The following CLDN1 variants were observed in gnomAD, a reference collection of about 807,000 sequenced individuals.
CLDN1 encodes claudin 1, also known as claudin-1.
CLDN1 carries 12 observed loss-of-function variants against 22.6 expected under a neutral mutation model. The ratio of observed to expected loss-of-function variants is 0.53; its 90% CI spans 0.34 to 0.86. CLDN1 has a LOEUF of 0.86. Among genes scored for constraint, CLDN1 ranks in the 40% least tolerant of loss-of-function variants. The pLI, the probability that CLDN1 is intolerant of heterozygous loss-of-function variation, is 0.02. For synonymous variants in CLDN1, 99 were observed against 103.8 expected, an observed-to-expected ratio of 0.95 and a Z score of 0.28; for missense variants, 250 against 269.5, an observed-to-expected ratio of 0.93 and a Z score of 0.51.
intron 2 of CLDN1, 71 bp downstream of exon 2, chr3:190,312,801 C>A (rs761773517): frequency 9.1e-6 from 14 of 1,541,836 alleles, no homozygotes; most frequent in Non-Finnish European, 1.2e-5. Context: ...TATAATGAAT[C>A]CAACGTAATA....
At position 190,310,201 on chromosome 3, in the gene CLDN1, T is replaced by A; in HGVS notation, c.441A>T (p.Glu147Asp). The A allele has an allele frequency of 6.2e-7, 1 of 1,613,928 alleles. No individual in the cohort carries two copies. The highest frequency in any genetic ancestry group is 8.5e-7 in the Non-Finnish European group (1 of 1,179,862). The change falls in exon 3 of 4, where the codon GAA becomes GAT. Residue 147 changes from glutamate (E) to aspartate (D), a missense_variant. Coordinates refer to ENST00000295522, the MANE Select transcript of CLDN1 (RefSeq NM_021101.5). ...TGACTGGGGTCATAGGGTCATAGAA[T>A]TCTTGAACGATTCTATTGCCATACC... ...TAWYGNRIVQ[E>D]FYDPMTPVNA... is the part of the protein sequence containing the mutation.
chr3:190,312,766 G>C (rs1716656859), intron 2 of CLDN1, 106 bp downstream of exon 2: 2 of 1,279,256 alleles, frequency 1.6e-6, no homozygotes, highest in Admixed American at 1.7e-5. Context: ...TATGTTTGCA[G>C]TTTGCCTTAG....
chr3:190,315,149 A>T (rs1716731798), intron 1 of CLDN1, among the ~76,000 whole-genome samples: 1 of 152,238 alleles, frequency 6.6e-6, no homozygotes, highest in Non-Finnish European at 1.5e-5. Context: ...CATAACACAG[A>T]TTTCAGATGT....
intron 1 of CLDN1, among the ~76,000 whole-genome samples, chr3:190,314,657 G>A (rs894214502): frequency 1.3e-5 from 2 of 151,892 alleles, no homozygotes; most frequent in Non-Finnish European, 2.9e-5. Flanking sequence ...GCCCACCTCG[G>A]CCTCCCAAAG....
chr3:190,311,244 A>G (rs1716609188), intron 2 of CLDN1, among the ~76,000 whole-genome samples: 1 of 152,246 alleles, frequency 6.6e-6, no homozygotes, highest in South Asian at 2.1e-4. Flanking sequence ...CGAAGGAAGA[A>G]TGCAATGCAT....
intron 1 of CLDN1, among the ~76,000 whole-genome samples, chr3:190,318,438 G>A (rs1167875811): frequency 6.6e-6 from 1 of 152,126 alleles, no homozygotes; most frequent in African/African-American, 2.4e-5. Context: ...CATCTTAGCT[G>A]CACCATCCTT....
rs1716493891 is a variant in CLDN1 at position 190,307,719 on chromosome 3, G to A, written c.*558C>T. ...ATAAGTATATGAAAAGGGCACGCAT[G>A]AAGAATTGAAAGAATTCATCCTTGG... On this transcript the variant is annotated 3_prime_UTR_variant, in exon 4 of 4. Transcript: ENST00000295522. 1 of 152,826 alleles carries A rather than the reference G, an allele frequency of 6.5e-6. No individual in the cohort carries two copies. The highest frequency in any genetic ancestry group is 1.5e-5 in the Non-Finnish European group (1 of 68,530). The allele number at this position is 152,826 out of a possible 1,614,324, so 9.5% of individuals were successfully genotyped here. A position where few individuals can be genotyped will look rare whatever the true frequency, so the allele number is the denominator to read the frequency against.
intron 2 of CLDN1, among the ~76,000 whole-genome samples, chr3:190,310,638 G>A (rs977172760): frequency 6.6e-6 from 1 of 152,160 alleles, no homozygotes; most frequent in Admixed American, 6.5e-5. Context: ...TGCAAAAGGG[G>A]AAGATGAAAA....
chr3:190,312,675 G>A (rs1716654239), intron 2 of CLDN1, among the ~76,000 whole-genome samples, 197 bp downstream of exon 2: 1 of 152,176 alleles, frequency 6.6e-6, no homozygotes, highest in Admixed American at 6.5e-5. Flanking sequence ...TCAACCAATA[G>A]ACCTGTCAGA....
At chr3:190,312,742 C>A in intron 2 of CLDN1, 130 bp downstream of exon 2, 1 of 978,868 alleles carries the variant, frequency 1.0e-6, no homozygotes, top group Non-Finnish European at 1.6e-6. Flanking sequence ...TGAAAGTCAA[C>A]TGGACTTCAG....
chr3:190,313,620 T>C (rs1001809356), intron 1 of CLDN1, among the ~76,000 whole-genome samples: 2 of 152,310 alleles, frequency 1.3e-5, no homozygotes, highest in South Asian at 4.1e-4. Context: ...GGGAAGAATA[T>C]AGAAGTCATT....
Position 190,322,268 on chromosome 3 carries a change from G to A in CLDN1, c.-62C>T. 1.3e-6 allele frequency: 2 copies of A among 1,487,278 alleles called. No homozygotes were observed. The highest frequency in any genetic ancestry group is 1.9e-6 in the Non-Finnish European group (2 of 1,074,406). 92.1% of individuals were successfully genotyped at this position (1,487,278 alleles called of 1,614,324 possible). A position where few individuals can be genotyped will look rare whatever the true frequency, so the allele number is the denominator to read the frequency against. On this transcript the variant is annotated 5_prime_UTR_variant, in exon 1 of 4. Coordinates refer to ENST00000295522, the MANE Select transcript of CLDN1 (RefSeq NM_021101.5). Reference sequence around the variant, plus strand: ...AGGTGCAGAAGGCGGAGAGTTTGCAGGTGGGCAACCCGGACTCCCGAAGGT... The same window carrying A: ...AGGTGCAGAAGGCGGAGAGTTTGCAAGTGGGCAACCCGGACTCCCGAAGGT...
intron 3 of CLDN1, among the ~76,000 whole-genome samples, chr3:190,309,391 G>C (rs1429437025): frequency 1.3e-5 from 2 of 152,098 alleles, no homozygotes; most frequent in African/African-American, 4.8e-5. Context: ...CCCATATGTG[G>C]GTGATTATAT....
At chr3:190,317,759 G>A (rs1186977260) in intron 1 of CLDN1, among the ~76,000 whole-genome samples, 2 of 152,166 alleles carry the variant, frequency 1.3e-5, no homozygotes, top group Admixed American at 6.5e-5. Flanking sequence ...TATACAGAAA[G>A]TCAACCCTCC....
chr3:190,313,175 G>A (rs1301622896), intron 1 of CLDN1, 139 bp from the exon 2 acceptor site: 5 of 883,436 alleles, frequency 5.7e-6, no homozygotes, highest in South Asian at 1.5e-5. Context: ...TCATACTGAT[G>A]TTTCCGCTGG....
rs1420341393 is a variant in CLDN1, at chr3:190,307,181, GC to G, written c.*1095del. 3 of 152,626 alleles carry G rather than the reference GC, an allele frequency of 2.0e-5. No homozygotes were observed. The highest frequency in any genetic ancestry group is 7.2e-5 in the African/African-American group (3 of 41,456). 9.5% of individuals were successfully genotyped at this position (152,626 alleles called of 1,614,324 possible). On this transcript the variant is annotated 3_prime_UTR_variant, in exon 4 of 4. Coordinates refer to ENST00000295522, the MANE Select transcript of CLDN1 (RefSeq NM_021101.5). ...AGAAAGATTAAGTGACTTGCTTACA[GC>G]TACAGAGAGAATATTTGTCACCAGA...
Position 190,306,315 on chromosome 3 carries a change from G to A in CLDN1, c.*1962C>T, listed in dbSNP as rs113521179. The A allele has an allele frequency of 5.3e-5, 8 of 152,296 alleles. No individual in the cohort carries two copies. The highest frequency in any genetic ancestry group is 1.9e-4 in the African/African-American group (8 of 41,582). 9.4% of individuals were successfully genotyped at this position (152,296 alleles called of 1,614,324 possible). Reference sequence around the variant, plus strand: ...ATAAGACTTCCTCAGAATCTTATTTGTTTAGTGCACTCAATTTTACTTCAC... The same window carrying A: ...ATAAGACTTCCTCAGAATCTTATTTATTTAGTGCACTCAATTTTACTTCAC... On this transcript the variant is annotated 3_prime_UTR_variant, in exon 4 of 4. Coordinates refer to ENST00000295522, the MANE Select transcript of CLDN1 (RefSeq NM_021101.5).
In CLDN1 at chr3:190,312,853, G is replaced by A. The variant is rs1489982436; in HGVS notation, c.388+19C>T. 4 of 1,613,540 alleles carry A rather than the reference G, an allele frequency of 2.5e-6. No individual in the cohort carries two copies. In the South Asian group the frequency reaches 4.4e-5, roughly 18 times the overall value. On this transcript the variant is annotated intron_variant, in intron 2 of 3. Coordinates refer to ENST00000295522, the MANE Select transcript of CLDN1 (RefSeq NM_021101.5). ...AGGAACAGGTTAGTAAGGTGAAAGGGGGGCACAGCCTCTATTACCTGCAAG... is the reference window on the plus strand; with the variant it reads ...AGGAACAGGTTAGTAAGGTGAAAGGAGGGCACAGCCTCTATTACCTGCAAG...
rs201935891 is a variant in CLDN1, at chr3:190,312,865, C to T, written c.388+7G>A. The T allele has an allele frequency of 6.2e-7, 1 of 1,613,956 alleles. No homozygotes were observed. The highest frequency in any genetic ancestry group is 2.2e-5 in the East Asian group (1 of 44,878). On this transcript the variant is annotated splice_region_variant and intron_variant, in intron 2 of 3. Transcript: ENST00000295522. Reference sequence around the variant, plus strand: ...GTAAGGTGAAAGGGGGGCACAGCCTCTATTACCTGCAAGAAGAAATATCGC... The same window carrying T: ...GTAAGGTGAAAGGGGGGCACAGCCTTTATTACCTGCAAGAAGAAATATCGC...
Sources: allele counts gnomAD v4.1 joint callset (sites outside exome capture counted in the v4.1 genomes callset), GRCh38; gene constraint gnomAD v4.1.1; transcripts MANE v1.5; gene names NCBI Gene and HGNC (gene_info 2026-07-23, HGNC 2026-07-21).